PSD3: variants seen among roughly 807,000 people sequenced by gnomAD.
PSD3 encodes the protein PH and SEC7 domain-containing protein 3.
Under a neutral mutation model 105.5 loss-of-function variants are expected in PSD3, and 49 were observed. The observed-to-expected ratio is 0.46, with a 90% CI of 0.37 to 0.59. The LOEUF is 0.59. Among genes scored for constraint, PSD3 ranks in the 20% least tolerant of loss-of-function variants. The pLI is 0.00. For synonymous variants in PSD3, 557 were observed against 457.8 expected, an observed-to-expected ratio of 1.22 and a Z score of -2.77; for missense variants, 1,561 against 1,263.8, an observed-to-expected ratio of 1.24 and a Z score of -3.57.
At chr8:18,812,815 C>A (rs778675863) in intron 4 of PSD3, among the ~76,000 whole-genome samples, 2 of 152,142 alleles carry the variant, frequency 1.3e-5, no homozygotes, top group African/African-American at 4.8e-5. Flanking sequence ...CGCTGGCCTG[C>A]GGTGGGCCCT....
chr8:18,761,310 C>G (rs991336886), intron 9 of PSD3, among the ~76,000 whole-genome samples: 1 of 152,220 alleles, frequency 6.6e-6, no homozygotes, highest in African/African-American at 2.4e-5. Context: ...GTTTTGACTA[C>G]TGCCGCTAAT....
chr8:19,042,005 A>C (rs750838554), intron 1 of PSD3, among the ~76,000 whole-genome samples: 1 of 152,190 alleles, frequency 6.6e-6, no homozygotes, highest in Non-Finnish European at 1.5e-5. Flanking sequence ...AGAGTTTTAC[A>C]TGAATTCCAC....
At chr8:18,909,147 TC>T (rs1255482410) in intron 2 of PSD3, among the ~76,000 whole-genome samples, 22 of 152,378 alleles carry the variant, frequency 1.4e-4, no homozygotes, top group Admixed American at 6.5e-5. Flanking sequence ...AGTTGCTTTT[TC>T]CTAGTGTAGT....
chr8:19,013,580 C>T lies in PSD3; in HGVS notation c.4G>A (p.Glu2Lys), dbSNP rs762072137. The T allele has an allele frequency of 3.3e-6, 5 of 1,531,850 alleles. No homozygotes were observed. Among genetic ancestry groups the T allele is most frequent in the Non-Finnish European group, 3.5e-6 (4 of 1,148,300 alleles). 94.9% of individuals were successfully genotyped at this position (1,531,850 alleles called of 1,614,324 possible). A position where few individuals can be genotyped will look rare whatever the true frequency, so the allele number is the denominator to read the frequency against. ...GAGCTCACCGCTGCGCTCCTTCCTT[C>T]CATCTTCCATCGCCAGCCCGGCCGC... Reference protein sequence around the residue: MEGRSAAAETFV... With the variant: MKGRSAAAETFV... Residue 2 changes from glutamate (E) to lysine (K), a missense_variant, in exon 1 of 16, where the codon GAA becomes AAA. By Grantham distance (56) the Glu-to-Lys change is moderately conservative (BLOSUM62 1). Transcript: ENST00000327040.
At chr8:19,071,711 C>CTTCTTT (rs377302515) in intron 1 of PSD3, among the ~76,000 whole-genome samples, 410 of 38,818 alleles carry the variant, frequency 0.011, 2 homozygotes, top group African/African-American at 0.038. Flanking sequence ...CTGCCTCCGA[C>CTTCTTT]TTCTTCTTCT....
intron 1 of PSD3, among the ~76,000 whole-genome samples, chr8:19,004,577 A>T (rs140367720): frequency 3.9e-5 from 6 of 152,174 alleles, no homozygotes; most frequent in African/African-American, 1.4e-4. Flanking sequence ...ACAATGCTTA[A>T]AATGTAAGAG....
chr8:18,609,080 C>T (rs1418201254), intron 11 of PSD3, among the ~76,000 whole-genome samples: 1 of 151,970 alleles, frequency 6.6e-6, no homozygotes, highest in Non-Finnish European at 1.5e-5. Flanking sequence ...ATGAGCATTG[C>T]CTATTGTTTT....
chr8:18,565,238 G>T (rs545125169), intron 14 of PSD3, among the ~76,000 whole-genome samples: 4 of 152,300 alleles, frequency 2.6e-5, no homozygotes, highest in South Asian at 4.1e-4. Context: ...GACTTCTCTG[G>T]TGGGCAGAAA....
intron 8 of PSD3, among the ~76,000 whole-genome samples, chr8:18,788,853 T>A (rs540327500): frequency 9.2e-5 from 14 of 152,224 alleles, no homozygotes; most frequent in Non-Finnish European, 1.3e-4. Context: ...TTATTTTGCA[T>A]GCTTTGCTAT....
chr8:18,840,213 C>A (rs1314231825), intron 4 of PSD3, among the ~76,000 whole-genome samples: 2 of 152,298 alleles, frequency 1.3e-5, no homozygotes, highest in East Asian at 3.9e-4. Flanking sequence ...GTCCCCCCCA[C>A]ATCATTCTCA....
At chr8:18,905,960 G>C (rs1055258882) in intron 2 of PSD3, among the ~76,000 whole-genome samples, 1 of 152,042 alleles carries the variant, frequency 6.6e-6, no homozygotes, top group African/African-American at 2.4e-5. Context: ...AATGAGATAC[G>C]CTTTGCAAAA....
intron 1 of PSD3, among the ~76,000 whole-genome samples, chr8:19,044,416 C>G (rs1828242818): frequency 6.6e-6 from 1 of 152,144 alleles, no homozygotes; most frequent in East Asian, 1.9e-4. Context: ...CTAGGCTCTT[C>G]CTTAATTAGT....
At chr8:18,789,792 C>T (rs1809523716) in intron 8 of PSD3, among the ~76,000 whole-genome samples, 1 of 152,198 alleles carries the variant, frequency 6.6e-6, no homozygotes, top group South Asian at 2.1e-4. Flanking sequence ...CACCATCATC[C>T]TCATTCCTCC....
At chr8:18,749,288 TC>T (rs1805284847) in intron 9 of PSD3, among the ~76,000 whole-genome samples, 1 of 151,966 alleles carries the variant, frequency 6.6e-6, no homozygotes, top group African/African-American at 2.4e-5. Flanking sequence ...ACAACCAGAG[TC>T]CCTTCTACTC....
At chr8:18,667,278 C>G (rs1554465754) in intron 9 of PSD3, among the ~76,000 whole-genome samples, 1 of 152,108 alleles carries the variant, frequency 6.6e-6, no homozygotes, top group African/African-American at 2.4e-5. Flanking sequence ...ATTTACAATC[C>G]CTGAGCTAGA....
chr8:18,612,234 T>C (rs971146057), intron 11 of PSD3, among the ~76,000 whole-genome samples: 1 of 152,230 alleles, frequency 6.6e-6, no homozygotes, highest in African/African-American at 2.4e-5. Flanking sequence ...CTGGAGTCCA[T>C]GTTTCCCAGA....
chr8:18,786,787 G>C (rs1809202323), intron 8 of PSD3: 1 of 152,208 alleles, frequency 6.6e-6, no homozygotes, highest in Non-Finnish European at 1.5e-5. Context: ...TTGACTAGCT[G>C]AAGTTGCTTT....
At position 18,601,716 on chromosome 8, in the gene PSD3, C is replaced by T. The variant is rs145336940; in HGVS notation, c.2411-1282G>A. On this transcript the variant is annotated intron_variant, in intron 11 of 15. Coordinates refer to ENST00000327040, the MANE Select transcript of PSD3 (RefSeq NM_015310.4). ...CCAAAAAAAAGCATACCATTATTTC[C>T]GTTATAAAGCAAAAAAGCAACTAAG... Among the ~76,000 whole-genome samples the T allele has an allele frequency of 3.1e-3, 468 of 152,270 alleles. 2 individuals carry two copies. The highest frequency in any genetic ancestry group is 5.0e-3 in the Non-Finnish European group (340 of 68,028).
At chr8:18,828,684 G>C (rs1278520087) in intron 4 of PSD3, among the ~76,000 whole-genome samples, 1 of 152,104 alleles carries the variant, frequency 6.6e-6, no homozygotes, top group East Asian at 1.9e-4. Flanking sequence ...GCTGGGGCTG[G>C]GCGAGGTGGC....
Sources: gnomAD v4.1 joint callset for allele counts (sites outside exome capture counted in the v4.1 genomes callset) on GRCh38, gnomAD v4.1.1 for gene constraint, MANE v1.5 for transcripts, NCBI Gene and HGNC (gene_info 2026-07-23, HGNC 2026-07-21) for gene names.